Variants in HS6ST3 observed in about 807,000 individuals in gnomAD.
The protein encoded by HS6ST3 is heparan sulfate 6-O-sulfotransferase 3.
HS6ST3 carries 12 observed loss-of-function variants against 36.7 expected under a neutral mutation model. The ratio of observed to expected loss-of-function variants is 0.33; its 90% CI spans 0.21 to 0.53. HS6ST3 has a LOEUF of 0.53. Ranked by LOEUF, HS6ST3 falls within the 20% of genes least tolerant of loss-of-function variation. The pLI, the probability that HS6ST3 is intolerant of heterozygous loss-of-function variation, is 0.95. For synonymous variants in HS6ST3, 240 were observed against 257.5 expected (o/e 0.93, Z 0.65); for missense variants, 584 against 640.9 (o/e 0.91, Z 0.96).
At chr13:96,821,251 T>A (rs1007532687) in intron 1 of HS6ST3, among the ~76,000 whole-genome samples, 1 of 152,220 alleles carries the variant, frequency 6.6e-6, no homozygotes, top group African/African-American at 2.4e-5. Flanking sequence ...TGTCCATCCC[T>A]GGCCTTGCAA....
rs1288986347 is a variant in HS6ST3 at position 96,839,348 on chromosome 13, T to C, written c.*6150T>C. ...ACCTATTTTACATGTAGATAGTTATTCAGTAGATAGTAAATTATTTCTCTT... is the reference window on the plus strand; with the variant it reads ...ACCTATTTTACATGTAGATAGTTATCCAGTAGATAGTAAATTATTTCTCTT... On this transcript the variant is annotated 3_prime_UTR_variant, in exon 2 of 2. Coordinates refer to ENST00000376705, the MANE Select transcript of HS6ST3 (RefSeq NM_153456.4). 1 of 152,226 alleles carries C rather than the reference T, an allele frequency of 6.6e-6. No individual in the cohort carries two copies. The highest frequency in any genetic ancestry group is 1.5e-5 in the Non-Finnish European group (1 of 68,042). 9.4% of individuals were successfully genotyped at this position (152,226 alleles called of 1,614,324 possible). A position where few individuals can be genotyped will look rare whatever the true frequency, so the allele number is the denominator to read the frequency against.
intron 1 of HS6ST3, among the ~76,000 whole-genome samples, chr13:96,530,295 A>G (rs901154532): frequency 3.3e-5 from 5 of 152,184 alleles, no homozygotes; most frequent in African/African-American, 1.2e-4. Context: ...ATGGAACATA[A>G]TTTGAAATCC....
At chr13:96,489,948 A>G (rs2055936551) in intron 1 of HS6ST3, among the ~76,000 whole-genome samples, 1 of 152,056 alleles carries the variant, frequency 6.6e-6, no homozygotes, top group African/African-American at 2.4e-5. Flanking sequence ...GCAAAAATAA[A>G]TTTCATTCTA....
chr13:96,405,906 C>G (rs550193430), intron 1 of HS6ST3, among the ~76,000 whole-genome samples: 1 of 152,290 alleles, frequency 6.6e-6, no homozygotes, highest in Non-Finnish European at 1.5e-5. Context: ...GCTCCCCTCC[C>G]CTGTCCCACA....
At chr13:96,487,862 G>A (rs576789676) in intron 1 of HS6ST3, among the ~76,000 whole-genome samples, 35 of 152,146 alleles carry the variant, frequency 2.3e-4, no homozygotes, top group Admixed American at 4.6e-4. Flanking sequence ...TGCATACTTG[G>A]TTTTTTGTCT....
chr13:96,331,861 A>G (rs2055070903), intron 1 of HS6ST3, among the ~76,000 whole-genome samples: 1 of 152,178 alleles, frequency 6.6e-6, no homozygotes, highest in Non-Finnish European at 1.5e-5. Flanking sequence ...CCTCCGAGCC[A>G]GGTGCCGGAT....
At chr13:96,633,371 T>A (rs1429664303) in intron 1 of HS6ST3, among the ~76,000 whole-genome samples, 1 of 152,182 alleles carries the variant, frequency 6.6e-6, no homozygotes, top group Non-Finnish European at 1.5e-5. Context: ...AGTTGGGGAC[T>A]GAGATATTTC....
intron 1 of HS6ST3, among the ~76,000 whole-genome samples, chr13:96,521,235 T>C (rs7321124): frequency 0.79 from 119,386 of 152,048 alleles, 48,830 homozygotes; most frequent in Non-Finnish European, 0.9. Flanking sequence ...TTTGATGTGC[T>C]GCTGGATTTG....
intron 1 of HS6ST3, among the ~76,000 whole-genome samples, chr13:96,491,066 A>T (rs1265722520): frequency 6.6e-6 from 1 of 152,214 alleles, no homozygotes; most frequent in East Asian, 1.9e-4. Context: ...ACCGTAGGGT[A>T]TATGATAGTT....
intron 1 of HS6ST3, among the ~76,000 whole-genome samples, chr13:96,448,801 TTGCC>T (rs1450852108): frequency 6.6e-6 from 1 of 152,172 alleles, no homozygotes; most frequent in Non-Finnish European, 1.5e-5. Context: ...TTGAAATTGT[TTGCC>T]TGTCTGCATT....
chr13:96,229,783 C>T (rs971360866), intron 1 of HS6ST3, among the ~76,000 whole-genome samples: 1 of 152,034 alleles, frequency 6.6e-6, no homozygotes, highest in Non-Finnish European at 1.5e-5. Flanking sequence ...AGGGGGAGAC[C>T]CCCCCCTTTA....
intron 1 of HS6ST3, among the ~76,000 whole-genome samples, chr13:96,146,594 G>A (rs2054059487): frequency 6.6e-6 from 1 of 152,080 alleles, no homozygotes. Context: ...ATATGTATTT[G>A]GATTTATTCA....
At chr13:96,719,173 C>T (rs1342066875) in intron 1 of HS6ST3, among the ~76,000 whole-genome samples, 1 of 151,752 alleles carries the variant, frequency 6.6e-6, no homozygotes, top group Non-Finnish European at 1.5e-5. Flanking sequence ...AGTCGGGAGA[C>T]TGAGGCAGGA....
intron 1 of HS6ST3, among the ~76,000 whole-genome samples, chr13:96,258,357 AAAC>A (rs147134800): frequency 2.0e-5 from 3 of 152,030 alleles, no homozygotes; most frequent in African/African-American, 4.8e-5. Flanking sequence ...CAGATGTTCA[AAAC>A]AACAACAACA....
intron 1 of HS6ST3, among the ~76,000 whole-genome samples, chr13:96,343,918 A>G (rs1046439141): frequency 1.3e-5 from 2 of 151,826 alleles, no homozygotes; most frequent in Non-Finnish European, 2.9e-5. Context: ...AATTTTTTGT[A>G]TTTTTAGTAG....
chr13:96,346,774 C>T (rs1038146324), intron 1 of HS6ST3, among the ~76,000 whole-genome samples: 2 of 152,012 alleles, frequency 1.3e-5, no homozygotes, highest in Non-Finnish European at 2.9e-5. Flanking sequence ...GATTCCAGCC[C>T]CTGGGGTTAA....
At chr13:96,373,259 C>T (rs1168058434) in intron 1 of HS6ST3, among the ~76,000 whole-genome samples, 1 of 152,146 alleles carries the variant, frequency 6.6e-6, no homozygotes, top group Non-Finnish European at 1.5e-5. Context: ...GTCACAGTCA[C>T]ATATTCCTGA....
At chr13:96,464,300 T>C (rs1424925339) in intron 1 of HS6ST3, among the ~76,000 whole-genome samples, 1 of 151,942 alleles carries the variant, frequency 6.6e-6, no homozygotes, top group Non-Finnish European at 1.5e-5. Flanking sequence ...CTATATAAAC[T>C]CCTAATTTTA....
chr13:96,336,573 T>C (rs932534703), intron 1 of HS6ST3, among the ~76,000 whole-genome samples: 1 of 152,116 alleles, frequency 6.6e-6, no homozygotes, highest in Non-Finnish European at 1.5e-5. Context: ...AATATGAAGA[T>C]ACCAGAAGAA....
Sources: gnomAD v4.1 joint callset for allele counts (sites outside exome capture counted in the v4.1 genomes callset) on GRCh38, gnomAD v4.1.1 for gene constraint, MANE v1.5 for transcripts, NCBI Gene and HGNC (gene_info 2026-07-23, HGNC 2026-07-21) for gene names.